PRKG1: variants seen among roughly 807,000 people sequenced by gnomAD.
PRKG1 encodes protein kinase cGMP-dependent 1.
PRKG1 carries 35 observed loss-of-function variants against 88.1 expected under a neutral mutation model. The ratio of observed to expected loss-of-function variants is 0.40; its 90% CI spans 0.30 to 0.53. PRKG1 has a LOEUF of 0.53. PRKG1 is among the 20% of genes least tolerant of loss of function. The pLI, the probability that PRKG1 is intolerant of heterozygous loss-of-function variation, is 0.59. For synonymous variants in PRKG1, 303 were observed against 292.5 expected (o/e 1.04, Z -0.37); for missense variants, 540 against 839.8 (o/e 0.64, Z 4.41).
intron 9 of PRKG1, among the ~76,000 whole-genome samples, chr10:52,170,066 T>A (rs1404007109): frequency 6.6e-6 from 1 of 152,158 alleles, no homozygotes; most frequent in East Asian, 1.9e-4. Flanking sequence ...CATTACCCTC[T>A]CTCTAAAGAA....
At chr10:51,809,566 T>C (rs990664178) in intron 4 of PRKG1, among the ~76,000 whole-genome samples, 2 of 152,210 alleles carry the variant, frequency 1.3e-5, no homozygotes, top group African/African-American at 4.8e-5. Flanking sequence ...GGTTTACTTG[T>C]AGAAACTAGG....
At chr10:51,849,200 A>T (rs1195681327) in intron 4 of PRKG1, among the ~76,000 whole-genome samples, 1 of 152,074 alleles carries the variant, frequency 6.6e-6, no homozygotes, top group East Asian at 1.9e-4. Flanking sequence ...CTCTGCTTTT[A>T]TTCTATTTAG....
At chr10:51,670,730 C>T (rs1180711564) in intron 3 of PRKG1, among the ~76,000 whole-genome samples, 6 of 135,452 alleles carry the variant, frequency 4.4e-5, no homozygotes, top group African/African-American at 1.7e-4. Flanking sequence ...AGCGAGACTC[C>T]GTCTCAAAAA....
Position 52,016,714 on chromosome 10 carries a change from G to A in PRKG1, c.763-37770G>A, listed in dbSNP as rs181175920. 3.3e-5 allele frequency among the ~76,000 whole-genome samples: 5 copies of A among 152,184 alleles called. No individual in the cohort carries two copies. In the East Asian group the frequency reaches 9.6e-4, roughly 29 times the overall value. On this transcript the variant is annotated intron_variant, in intron 5 of 17. Coordinates refer to ENST00000373980, the MANE Select transcript of PRKG1 (RefSeq NM_006258.4). ...AGACACCTTGCTAGGCTCTGAGGAT[G>A]CAACAGTGAAAAAAAGAGAGTCCTT... is the stretch of plus-strand genomic sequence containing the variant.
intron 3 of PRKG1, among the ~76,000 whole-genome samples, chr10:51,544,811 A>G (rs1842406106): frequency 6.6e-6 from 1 of 152,122 alleles, no homozygotes; most frequent in African/African-American, 2.4e-5. Flanking sequence ...TCCAGAATCT[A>G]CCAAGAACAT....
At chr10:51,192,289 AG>A (rs1362066637) in intron 2 of PRKG1, among the ~76,000 whole-genome samples, 4 of 151,960 alleles carry the variant, frequency 2.6e-5, no homozygotes, top group Admixed American at 1.3e-4. Context: ...TTAATGAAAC[AG>A]GGAAGACCAC....
intron 1 of PRKG1, among the ~76,000 whole-genome samples, chr10:51,091,307 A>G (rs910762094): frequency 2.6e-5 from 4 of 152,160 alleles, no homozygotes; most frequent in Admixed American, 2.6e-4. Context: ...GACTTGTACG[A>G]CCATCACCAC....
chr10:51,326,562 C>G (rs935958536), intron 2 of PRKG1, among the ~76,000 whole-genome samples: 3 of 152,168 alleles, frequency 2.0e-5, no homozygotes, highest in Admixed American at 1.3e-4. Flanking sequence ...AGAGAATATA[C>G]AAGATGCATT....
At chr10:51,744,648 G>A (rs918079207) in intron 3 of PRKG1, among the ~76,000 whole-genome samples, 2 of 152,184 alleles carry the variant, frequency 1.3e-5, no homozygotes, top group Non-Finnish European at 2.9e-5. Flanking sequence ...AAGAATAGAT[G>A]CGTTTTTGTT....
chr10:51,549,566 A>C (rs933610291), intron 3 of PRKG1, among the ~76,000 whole-genome samples: 1 of 152,152 alleles, frequency 6.6e-6, no homozygotes, highest in Non-Finnish European at 1.5e-5. Flanking sequence ...AAAATGGTAG[A>C]TTACAATGTC....
intron 10 of PRKG1, among the ~76,000 whole-genome samples, chr10:52,261,126 T>TA (rs1420005181): frequency 2.6e-5 from 4 of 151,674 alleles, no homozygotes; most frequent in Non-Finnish European, 5.9e-5. Flanking sequence ...TAAATGTCTC[T>TA]AAAAAATAGA....
intron 3 of PRKG1, among the ~76,000 whole-genome samples, chr10:51,728,231 G>A (rs1230875355): frequency 1.3e-5 from 2 of 151,944 alleles, no homozygotes; most frequent in Non-Finnish European, 2.9e-5. Context: ...AAAGTGCAAA[G>A]TAATTGATTC....
At chr10:51,722,873 A>G (rs1481971059) in intron 3 of PRKG1, among the ~76,000 whole-genome samples, 1 of 152,220 alleles carries the variant, frequency 6.6e-6, no homozygotes, top group Admixed American at 6.5e-5. Flanking sequence ...AGTCTCGCAG[A>G]AAAGTTCATA....
chr10:51,946,684 G>A (rs969970356), intron 5 of PRKG1, among the ~76,000 whole-genome samples: 1 of 152,088 alleles, frequency 6.6e-6, no homozygotes, highest in Non-Finnish European at 1.5e-5. Flanking sequence ...TAAGAGACAG[G>A]ACCCTCAGCT....
chr10:52,110,528 A>G (rs1364723270), intron 7 of PRKG1, among the ~76,000 whole-genome samples: 1 of 152,072 alleles, frequency 6.6e-6, no homozygotes, highest in African/African-American at 2.4e-5. Flanking sequence ...TTTTTTCTCA[A>G]TTGAGAAATT....
intron 1 of PRKG1, among the ~76,000 whole-genome samples, chr10:51,134,767 C>G (rs1845649931): frequency 6.6e-6 from 1 of 152,080 alleles, no homozygotes; most frequent in Non-Finnish European, 1.5e-5. Context: ...TAATTTAACA[C>G]CTGGAATGGC....
chr10:51,439,578 C>T (rs1235882767), intron 2 of PRKG1, among the ~76,000 whole-genome samples: 1 of 151,840 alleles, frequency 6.6e-6, no homozygotes, highest in Non-Finnish European at 1.5e-5. Context: ...GTAGAAATAT[C>T]GGTGGATTTT....
intron 1 of PRKG1, among the ~76,000 whole-genome samples, chr10:51,065,283 T>C (rs559898142): frequency 6.6e-6 from 1 of 152,182 alleles, no homozygotes; most frequent in East Asian, 1.9e-4. Context: ...AAAAGAGCAC[T>C]GTACCTTGAA....
intron 4 of PRKG1, among the ~76,000 whole-genome samples, chr10:51,856,980 A>G (rs1840699360): frequency 2.0e-5 from 3 of 150,894 alleles, no homozygotes; most frequent in African/African-American, 4.8e-5. Flanking sequence ...AAAAAGAAAA[A>G]AAAAAAAAGA....
Sources: gnomAD v4.1 joint callset for allele counts (sites outside exome capture counted in the v4.1 genomes callset) on GRCh38, gnomAD v4.1.1 for gene constraint, MANE v1.5 for transcripts, NCBI Gene and HGNC (gene_info 2026-07-23, HGNC 2026-07-21) for gene names.